DGKH: variants seen among roughly 807,000 people sequenced by gnomAD.
DGKH encodes the protein diacylglycerol kinase eta, also known as DAG kinase eta.
DGKH carries 90 observed loss-of-function variants against 159.3 expected under a neutral mutation model. That is an observed-to-expected ratio of 0.57 (90% CI 0.48 to 0.67). DGKH has a LOEUF of 0.67. Ranked by LOEUF, DGKH falls within the 30% of genes least tolerant of loss-of-function variation. DGKH has a pLI of 0.00. For synonymous variants in DGKH, 536 were observed against 553.8 expected (o/e 0.97, Z 0.45); for missense variants, 1,181 against 1,506.1 (o/e 0.78, Z 3.57).
At chr13:42,051,284 T>C (rs1201341531) in intron 1 of DGKH, among the ~76,000 whole-genome samples, 1 of 152,266 alleles carries the variant, frequency 6.6e-6, no homozygotes, top group Non-Finnish European at 1.5e-5. Context: ...AGAGTGCATG[T>C]AAGTTCATCA....
chr13:42,187,103 C>G lies in DGKH; in HGVS notation c.1593C>G (p.Asp531Glu). Residue 531 changes from aspartate (D) to glutamate (E), a missense_variant, in exon 14 of 30, where the codon GAC becomes GAG. Asp to Glu is a conservative substitution (Grantham distance 45). Coordinates refer to ENST00000337343, the MANE Select transcript of DGKH (RefSeq NM_178009.5). ...DFVAKVEKTY[D>E]KTLENAVVAD... ...TTGCCAAAGTAGAAAAGACGTATGA[C>G]AAAACCTTGGAAAATGCCGTTGTAG... The G allele has an allele frequency of 6.2e-7, 1 of 1,614,092 alleles. No homozygotes were observed. The highest frequency in any genetic ancestry group is 8.5e-7 in the Non-Finnish European group (1 of 1,179,986).
rs143203173 is a variant in DGKH, at chr13:42,171,731, C to T, written c.1368-2329C>T. 3.3e-4 allele frequency among the ~76,000 whole-genome samples: 50 copies of T among 150,096 alleles called. No homozygotes were observed. In the East Asian group the frequency reaches 9.7e-3, roughly 29 times the overall value. ...GTTAGCTTCATTGGGGAAGCCTATT[C>T]ACCCTTGTGTTTCCAGACCCTGTGA... On this transcript the variant is annotated intron_variant, in intron 11 of 29. Coordinates refer to ENST00000337343, the MANE Select transcript of DGKH (RefSeq NM_178009.5).
intron 1 of DGKH, among the ~76,000 whole-genome samples, chr13:42,071,766 G>A (rs1249854373): frequency 6.6e-6 from 1 of 152,156 alleles, no homozygotes; most frequent in East Asian, 1.9e-4. Context: ...CAGGCCCCGC[G>A]GACAGCCCCC....
At chr13:42,251,910 A>G (rs1958623042) in intron 29 of DGKH, among the ~76,000 whole-genome samples, 1 of 152,240 alleles carries the variant, frequency 6.6e-6, no homozygotes, top group African/African-American at 2.4e-5. Context: ...TTGCTTGAGA[A>G]CAGAGAGCAT....
At position 42,229,972 on chromosome 13, in the gene DGKH, T is replaced by A; in HGVS notation, c.*784T>A. ...TTGTGAAAGTGTGTCTGTGCCATAA[T>A]CAACAAATGATATACATCACATGCA... is the stretch of plus-strand genomic sequence containing the variant. On this transcript the variant is annotated 3_prime_UTR_variant, in exon 30 of 30. Coordinates refer to ENST00000337343, the MANE Select transcript of DGKH (RefSeq NM_178009.5). The A allele has an allele frequency of 6.6e-6, 1 of 152,172 alleles. No homozygotes were observed. The allele number at this position is 152,172 out of a possible 1,614,324, so 9.4% of individuals were successfully genotyped here.
chr13:42,188,989 C>G (rs377055981), intron 14 of DGKH, 47 bp from the exon 15 acceptor site: 29 of 1,582,410 alleles, frequency 1.8e-5, no homozygotes, highest in Non-Finnish European at 2.2e-5. Flanking sequence ...GTCTGCTGAT[C>G]TTGATTCTTT....
intron 17 of DGKH, among the ~76,000 whole-genome samples, chr13:42,195,325 G>C (rs34697334): frequency 0.12 from 18,103 of 151,974 alleles, 1,527 homozygotes; most frequent in East Asian, 0.4. Flanking sequence ...ACAGTGACAA[G>C]CCTGTCTCTA....
At chr13:42,253,993 C>CAAA (rs199651278) in intron 30 of DGKH, among the ~76,000 whole-genome samples, 7 of 105,048 alleles carry the variant, frequency 6.7e-5, no homozygotes, top group African/African-American at 2.0e-4. Context: ...AGTGGGTTAC[C>CAAA]AAAAAAAAAA....
At chr13:42,206,012 CTTTT>C (rs34351817) in intron 20 of DGKH, 23 bp from the exon 21 acceptor site, 3,310 of 1,123,234 alleles carry the variant, frequency 2.9e-3, no homozygotes, top group South Asian at 5.1e-3. Flanking sequence ...CTAATCTCTA[CTTTT>C]TTTTTTTTTT....
chr13:42,211,784 A>AGGAGC (rs961670506), intron 24 of DGKH, among the ~76,000 whole-genome samples: 1 of 152,198 alleles, frequency 6.6e-6, no homozygotes, highest in African/African-American at 2.4e-5. Flanking sequence ...CAGGCAAAGG[A>AGGAGC]GGAGCAAAGG....
intron 12 of DGKH, 136 bp downstream of exon 12, chr13:42,174,280 C>A: frequency 1.4e-6 from 1 of 694,052 alleles, no homozygotes; most frequent in Non-Finnish European, 2.4e-6. Flanking sequence ...GGTATGGTCT[C>A]ATTGACTGAC....
intron 7 of DGKH, among the ~76,000 whole-genome samples, chr13:42,163,494 C>T (rs1289524150): frequency 6.6e-6 from 1 of 152,036 alleles, no homozygotes; most frequent in Non-Finnish European, 1.5e-5. Flanking sequence ...TAAAAGTGTT[C>T]CTATTTCTCC....
At chr13:42,105,664 C>T (rs376909356) in intron 1 of DGKH, among the ~76,000 whole-genome samples, 22 of 152,186 alleles carry the variant, frequency 1.4e-4, no homozygotes, top group African/African-American at 5.1e-4. Flanking sequence ...CTTCCACATG[C>T]TAGCTCAGGT....
intron 1 of DGKH, among the ~76,000 whole-genome samples, chr13:42,065,220 C>T (rs1039046063): frequency 2.0e-5 from 3 of 152,116 alleles, no homozygotes; most frequent in African/African-American, 7.2e-5. Flanking sequence ...CTTGGACAAG[C>T]CAGAAACCAG....
intron 20 of DGKH, among the ~76,000 whole-genome samples, chr13:42,203,400 A>G (rs1383631374): frequency 6.6e-6 from 1 of 152,172 alleles, no homozygotes; most frequent in African/African-American, 2.4e-5. Context: ...GACTTCCCAC[A>G]TGTGTTCTAG....
intron 1 of DGKH, among the ~76,000 whole-genome samples, chr13:42,063,165 T>C (rs1020063018): frequency 3.3e-5 from 5 of 152,164 alleles, no homozygotes; most frequent in African/African-American, 1.2e-4. Context: ...GCTAGGGCAA[T>C]GTATCTGGAC....
At position 42,168,810 on chromosome 13, in the gene DGKH, GT is replaced by G; in HGVS notation, c.1361del (p.Leu454TrpfsTer6). The stretch of plus-strand genomic sequence containing the variant: ...AACTGGAACGAGCCAGTACCAAAAT[GT>G]TGGACAGGTAAAAGTAAATTCTTTT... The part of the protein sequence containing the change: ...EKLERASTKM[L>X]DRWSIMTYEL... On this transcript the variant is annotated frameshift_variant, in exon 11 of 30. Transcript: ENST00000337343. LOFTEE classifies it high-confidence loss of function. 1.2e-6 allele frequency: 2 copies of G among 1,612,434 alleles called. No homozygotes were observed. Among genetic ancestry groups the G allele is most frequent in the Non-Finnish European group, 1.7e-6 (2 of 1,178,956 alleles).
intron 3 of DGKH, among the ~76,000 whole-genome samples, chr13:42,136,807 T>C (rs1470585254): frequency 6.6e-6 from 1 of 152,190 alleles, no homozygotes; most frequent in Non-Finnish European, 1.5e-5. Context: ...TAGAACTAAA[T>C]GATCACTGGA....
At chr13:42,138,278 TGGA>T (rs1269003938) in intron 3 of DGKH, 1 of 194,492 alleles carries the variant, frequency 5.1e-6, no homozygotes, top group Non-Finnish European at 9.4e-6. Flanking sequence ...ACTTTACATA[TGGA>T]GGCCCATTAT....
Sources: gnomAD v4.1 joint callset for allele counts (sites outside exome capture counted in the v4.1 genomes callset) on GRCh38, gnomAD v4.1.1 for gene constraint, MANE v1.5 for transcripts, NCBI Gene and HGNC (gene_info 2026-07-23, HGNC 2026-07-21) for gene names.